RAB18: variants seen among roughly 807,000 people sequenced by gnomAD.
The protein encoded by RAB18 is RAB18, member RAS oncogene family.
In RAB18, 10 loss-of-function variants were observed where a neutral mutation model predicts 28.5. The ratio of observed to expected loss-of-function variants is 0.35; its 90% confidence interval spans 0.22 to 0.60. The LOEUF is 0.60. RAB18 is among the 20% of genes least tolerant of loss of function. The pLI is 0.78. For synonymous variants in RAB18, 93 were observed against 86.9 expected, an observed-to-expected ratio of 1.07 and a Z score of -0.39; for missense variants, 188 against 244.2, an observed-to-expected ratio of 0.77 and a Z score of 1.53.
Position 27,538,941 on chromosome 10 carries a change from G to A in RAB18, c.*890G>A, listed in dbSNP as rs539207601. ...ATGTTGATGAATATCTGTATCTTAC[G>A]GCTTCCATAATGGCTAGTTGATATT... On this transcript the variant is annotated 3_prime_UTR_variant, in exon 7 of 7. Coordinates refer to ENST00000356940, the MANE Select transcript of RAB18 (RefSeq NM_021252.5). 9 of 452,120 alleles carry A rather than the reference G, an allele frequency of 2.0e-5. No individual in the cohort carries two copies. In the East Asian group the frequency reaches 2.1e-4, roughly 10 times the overall value. 28.0% of individuals were successfully genotyped at this position (452,120 alleles called of 1,614,324 possible). A position where few individuals can be genotyped will look rare whatever the true frequency, so the allele number is the denominator to read the frequency against.
intron 6 of RAB18, 119 bp from the exon 7 acceptor site, chr10:27,537,757 C>T (rs1159718347): frequency 1.2e-6 from 1 of 830,852 alleles, no homozygotes; most frequent in African/African-American, 1.7e-5. Context: ...GGAAAAATTG[C>T]TGATTTGGAT....
chr10:27,533,880 G>C, intron 5 of RAB18, 27 bp downstream of exon 5: 1 of 1,609,752 alleles, frequency 6.2e-7, no homozygotes, highest in Non-Finnish European at 8.5e-7. Flanking sequence ...TTGGCATTTT[G>C]GTTCTATATT....
chr10:27,519,606 A>G (rs889247477), intron 2 of RAB18, among the ~76,000 whole-genome samples: 5 of 152,150 alleles, frequency 3.3e-5, no homozygotes, highest in African/African-American at 1.2e-4. Flanking sequence ...CCCAGGGCTA[A>G]ATTTACCGAA....
At chr10:27,517,486 A>G (rs1361527752) in intron 2 of RAB18, among the ~76,000 whole-genome samples, 1 of 151,708 alleles carries the variant, frequency 6.6e-6, no homozygotes, top group African/African-American at 2.4e-5. Flanking sequence ...AAAATCAGCA[A>G]ATCTTTTGAA....
intron 2 of RAB18, among the ~76,000 whole-genome samples, chr10:27,520,951 T>A (rs1213848789): frequency 6.6e-6 from 1 of 151,044 alleles, no homozygotes; most frequent in Non-Finnish European, 1.5e-5. Context: ...AGAAAATTTT[T>A]TTTTCTCTTA....
chr10:27,517,222 G>T (rs376293015), intron 2 of RAB18, among the ~76,000 whole-genome samples: 1 of 152,070 alleles, frequency 6.6e-6, no homozygotes. Flanking sequence ...AATTAGCCAG[G>T]CATGGTGGCT....
Position 27,538,076 on chromosome 10 carries a change from A to C in RAB18, c.*25A>C. 1 of 1,613,712 alleles carries C rather than the reference A, an allele frequency of 6.2e-7. No individual in the cohort carries two copies. The highest frequency in any genetic ancestry group is 2.2e-5 in the East Asian group (1 of 44,876). On this transcript the variant is annotated 3_prime_UTR_variant, in exon 7 of 7. Coordinates refer to ENST00000356940, the MANE Select transcript of RAB18 (RefSeq NM_021252.5). ...AACTCTGGGAAATTCCATCTCTTGC[A>C]TATTTGATCAGATAGTGACATCTTT...
At chr10:27,513,034 T>TATATATATATA (rs200640744) in intron 2 of RAB18, among the ~76,000 whole-genome samples, 29 of 116,408 alleles carry the variant, frequency 2.5e-4, no homozygotes, top group African/African-American at 9.4e-4. Context: ...ATATATATAT[T>TATATATATATA]TTTTTTTTTT....
chr10:27,532,561 G>A lies in RAB18; in HGVS notation c.241G>A (p.Ala81Thr). ...RTLTPSYYRGAQGVILVYDVT... is the reference protein window; with the variant it reads ...RTLTPSYYRGTQGVILVYDVT... ...ATTAACTCCCAGCTATTATAGAGGT[G>A]CACAGGGTGTTATATTAGGTAAGTG... The change falls in exon 4 of 7, where the codon GCA becomes ACA. Residue 81 changes from alanine (A) to threonine (T), a missense_variant. By Grantham distance (58) the Ala-to-Thr change is moderately conservative (BLOSUM62 0). Transcript: ENST00000356940. The A allele has an allele frequency of 6.2e-7, 1 of 1,601,742 alleles. No individual in the cohort carries two copies. Among genetic ancestry groups the A allele is most frequent in the Non-Finnish European group, 8.5e-7 (1 of 1,169,916 alleles).
chr10:27,504,771 A>C, intron 1 of RAB18: 6 of 564,184 alleles, frequency 1.1e-5, no homozygotes, highest in Middle Eastern at 2.8e-4. Flanking sequence ...TTGGGCCCGA[A>C]TCCGGCCGGG....
At chr10:27,533,067 G>C (rs1332446069) in intron 4 of RAB18, among the ~76,000 whole-genome samples, 4 of 151,984 alleles carry the variant, frequency 2.6e-5, no homozygotes, top group African/African-American at 9.7e-5. Flanking sequence ...GCTTGTTCTT[G>C]ATATTCCTGG....
In RAB18 at chr10:27,540,692, A is replaced by C. The variant is rs1236263267; in HGVS notation, c.*2641A>C. 1 of 453,974 alleles carries C rather than the reference A, an allele frequency of 2.2e-6. No individual in the cohort carries two copies. The highest frequency in any genetic ancestry group is 4.4e-6 in the Non-Finnish European group (1 of 226,780). 28.1% of individuals were successfully genotyped at this position (453,974 alleles called of 1,614,324 possible). A position where few individuals can be genotyped will look rare whatever the true frequency, so the allele number is the denominator to read the frequency against. Reference sequence around the variant, plus strand: ...ATGGTACCTTCACTTTTTATGTGAGAATAGAAATTATGGAAACAGTAATTT... The same window carrying C: ...ATGGTACCTTCACTTTTTATGTGAGCATAGAAATTATGGAAACAGTAATTT... On this transcript the variant is annotated 3_prime_UTR_variant, in exon 7 of 7. Coordinates refer to ENST00000356940, the MANE Select transcript of RAB18 (RefSeq NM_021252.5).
intron 2 of RAB18, among the ~76,000 whole-genome samples, chr10:27,525,191 G>A (rs1834647298): frequency 6.6e-6 from 1 of 152,068 alleles, no homozygotes; most frequent in Non-Finnish European, 1.5e-5. Flanking sequence ...TTCTTTTCTT[G>A]GGTAAACAAA....
Position 27,539,686 on chromosome 10 carries a change from T to G in RAB18, c.*1635T>G, listed in dbSNP as rs1834982101. 4.4e-6 allele frequency: 2 copies of G among 453,400 alleles called. No homozygotes were observed. The highest frequency in any genetic ancestry group is 4.0e-5 in the African/African-American group (2 of 49,972). 28.1% of individuals were successfully genotyped at this position (453,400 alleles called of 1,614,324 possible). A position where few individuals can be genotyped will look rare whatever the true frequency, so the allele number is the denominator to read the frequency against. ...TTTTGCTCCTTGAGCTATATAATAA[T>G]CTGTGTATTGGATTGTTGTCTTGAT... On this transcript the variant is annotated 3_prime_UTR_variant, in exon 7 of 7. Coordinates refer to ENST00000356940, the MANE Select transcript of RAB18 (RefSeq NM_021252.5).
At chr10:27,524,502 T>G (rs903663864) in intron 2 of RAB18, among the ~76,000 whole-genome samples, 1 of 152,194 alleles carries the variant, frequency 6.6e-6, no homozygotes, top group Non-Finnish European at 1.5e-5. Flanking sequence ...TAATGGAGCC[T>G]TTGAAATAAG....
chr10:27,537,737 T>A, intron 6 of RAB18, 139 bp from the exon 7 acceptor site: 1 of 677,526 alleles, frequency 1.5e-6, no homozygotes, highest in South Asian at 1.9e-5. Flanking sequence ...CACTAGTTAT[T>A]GACCTTTGGG....
In RAB18 at chr10:27,533,739, T is replaced by C. The variant is rs146846414; in HGVS notation, c.264T>C (p.Tyr88=). 381 of 1,613,190 alleles carry C rather than the reference T, an allele frequency of 2.4e-4. 1 individual carries two copies. In the African/African-American group the frequency reaches 4.3e-3, roughly 18 times the overall value. Residue 88 remains tyrosine (Y), a synonymous_variant, in exon 5 of 7, where the codon TAT becomes TAC. Coordinates refer to ENST00000356940, the MANE Select transcript of RAB18 (RefSeq NM_021252.5). ...AAATGACTCCTTTTATTTCAGTTTA[T>C]GATGTCACAAGAAGAGATACATTTG... ...YRGAQGVILV[Y]DVTRRDTFVK...
intron 2 of RAB18, 147 bp from the exon 3 acceptor site, chr10:27,526,681 T>C (rs1399349589): frequency 1.2e-5 from 11 of 951,210 alleles, no homozygotes; most frequent in Non-Finnish European, 1.8e-5. Flanking sequence ...TAATGACACT[T>C]TTTATCTCCA....
At chr10:27,509,497 G>T (rs1431456219) in intron 1 of RAB18, among the ~76,000 whole-genome samples, 1 of 152,110 alleles carries the variant, frequency 6.6e-6, no homozygotes, top group Non-Finnish European at 1.5e-5. Flanking sequence ...CATTCTAAGA[G>T]ACTTTATTTT....
Sources: gnomAD v4.1 joint callset for allele counts (sites outside exome capture counted in the v4.1 genomes callset) on GRCh38, gnomAD v4.1.1 for gene constraint, MANE v1.5 for transcripts, NCBI Gene and HGNC (gene_info 2026-07-23, HGNC 2026-07-21) for gene names.